Variants in FARS2 observed in about 807,000 individuals in gnomAD.
The protein encoded by FARS2 is phenylalanyl-tRNA synthetase 2, mitochondrial.
A neutral mutation model predicts 46.4 loss-of-function variants in FARS2; 40 were observed. That is an observed-to-expected ratio of 0.86 (90% confidence interval 0.67 to 1.12). The LOEUF is 1.12. FARS2 is among the 50% of genes most tolerant of loss of function. The pLI is 0.00. For synonymous variants in FARS2, 234 were observed against 214.9 expected (o/e 1.09, Z -0.78); for missense variants, 513 against 567.9 (o/e 0.90, Z 0.98).
chr6:5,436,366 C>G (rs929513510), intron 4 of FARS2, among the ~76,000 whole-genome samples: 1 of 134,278 alleles, frequency 7.4e-6, no homozygotes, highest in African/African-American at 2.6e-5. Context: ...ACATGGTTCA[C>G]TGTTGTTGAT....
intron 1 of FARS2, among the ~76,000 whole-genome samples, chr6:5,270,470 G>C (rs1411337): frequency 6.6e-6 from 1 of 152,090 alleles, no homozygotes; most frequent in Admixed American, 6.5e-5. Context: ...GTTCGCTAGA[G>C]CTGTCAAGCT....
chr6:5,352,296 C>A (rs1757626974), intron 1 of FARS2, among the ~76,000 whole-genome samples: 1 of 150,782 alleles, frequency 6.6e-6, no homozygotes, highest in Admixed American at 6.6e-5. Context: ...CTTTGAAGTT[C>A]ACTTTGATTT....
intron 4 of FARS2, among the ~76,000 whole-genome samples, chr6:5,501,630 G>A (rs531130261): frequency 2.6e-4 from 40 of 152,172 alleles, no homozygotes; most frequent in African/African-American, 8.7e-4. Flanking sequence ...GAGTAGCTGG[G>A]ACTACAGGCG....
intron 6 of FARS2, among the ~76,000 whole-genome samples, chr6:5,615,917 C>T (rs1031580311): frequency 9.5e-5 from 14 of 147,958 alleles, no homozygotes; most frequent in African/African-American, 3.5e-4. Flanking sequence ...CCCAAATCTA[C>T]ACTTGTTAGA....
At chr6:5,757,757 G>A (rs532554470) in intron 6 of FARS2, among the ~76,000 whole-genome samples, 1 of 152,350 alleles carries the variant, frequency 6.6e-6, no homozygotes, top group South Asian at 2.1e-4. Flanking sequence ...CTGCCTCTCA[G>A]GATGGCTGTT....
intron 6 of FARS2, among the ~76,000 whole-genome samples, chr6:5,723,182 C>T (rs1429691067): frequency 6.6e-6 from 1 of 152,062 alleles, no homozygotes; most frequent in Non-Finnish European, 1.5e-5. Flanking sequence ...GGGCCACTCG[C>T]GAGTGTGTCG....
At chr6:5,426,504 G>C (rs1762860579) in intron 3 of FARS2, among the ~76,000 whole-genome samples, 1 of 152,144 alleles carries the variant, frequency 6.6e-6, no homozygotes, top group South Asian at 2.1e-4. Context: ...CAGTAATTTT[G>C]AGATCATAGA....
At chr6:5,480,457 G>A (rs570376260) in intron 4 of FARS2, among the ~76,000 whole-genome samples, 9 of 152,330 alleles carry the variant, frequency 5.9e-5, no homozygotes, top group African/African-American at 2.2e-4. Context: ...ATTGTATCCG[G>A]TGTTTCTTTT....
At chr6:5,252,318 A>C in the FARS2 span, among the ~76,000 whole-genome samples, 1 of 152,154 alleles carries the variant, frequency 6.6e-6, no homozygotes, top group African/African-American at 2.4e-5. Context: ...TCTGCCCTTG[A>C]CCAACTGTGA....
chr6:5,767,354 C>T (rs1762806158), intron 6 of FARS2, among the ~76,000 whole-genome samples: 1 of 152,180 alleles, frequency 6.6e-6, no homozygotes, highest in Non-Finnish European at 1.5e-5. Flanking sequence ...CCGCGCCCGG[C>T]CAATCCATCC....
At chr6:5,362,918 TC>T (rs139321883) in intron 1 of FARS2, among the ~76,000 whole-genome samples, 1 of 127,692 alleles carries the variant, frequency 7.8e-6, no homozygotes, top group African/African-American at 2.8e-5. Flanking sequence ...TGCCCATTTT[TC>T]TTTCTTTCTT....
intron 2 of FARS2, among the ~76,000 whole-genome samples, chr6:5,378,613 T>C (rs1759543365): frequency 6.6e-6 from 1 of 152,142 alleles, no homozygotes; most frequent in Non-Finnish European, 1.5e-5. Flanking sequence ...AGGGTTTTAT[T>C]CTCCACCGTG....
chr6:5,347,026 G>C lies in FARS2; in HGVS notation c.-21-21524G>C, dbSNP rs538125647. Reference sequence around the variant, plus strand: ...CCTTCCAGGTTCAAGTGATTCTCCTGCCTCAGCCTCCCGAGTAGCTGGGAT... The same window carrying C: ...CCTTCCAGGTTCAAGTGATTCTCCTCCCTCAGCCTCCCGAGTAGCTGGGAT... On this transcript the variant is annotated intron_variant, in intron 1 of 6. Coordinates refer to ENST00000274680, the MANE Select transcript of FARS2 (RefSeq NM_006567.5). 5.3e-5 allele frequency among the ~76,000 whole-genome samples: 8 copies of C among 151,706 alleles called. No individual in the cohort carries two copies. The East Asian group carries it at 1.6e-3, about 29-fold the overall frequency.
intron 3 of FARS2, among the ~76,000 whole-genome samples, chr6:5,407,543 A>G (rs930323920): frequency 2.6e-5 from 4 of 152,148 alleles, no homozygotes; most frequent in African/African-American, 9.7e-5. Flanking sequence ...ATGTTTTTCT[A>G]GGAAGTGGGA....
chr6:5,547,309 G>A (rs1036902533), intron 5 of FARS2, among the ~76,000 whole-genome samples: 1 of 151,134 alleles, frequency 6.6e-6, no homozygotes, highest in Admixed American at 6.6e-5. Flanking sequence ...ATTATCTAGT[G>A]TTCTTTTGTT....
chr6:5,358,056 T>A (rs1040964297), intron 1 of FARS2, among the ~76,000 whole-genome samples: 6 of 152,172 alleles, frequency 3.9e-5, no homozygotes, highest in Non-Finnish European at 7.3e-5. Flanking sequence ...ATTTAGAGAA[T>A]CTTATAAATA....
chr6:5,518,622 A>G (rs1049591851), intron 4 of FARS2, among the ~76,000 whole-genome samples: 20 of 152,246 alleles, frequency 1.3e-4, no homozygotes, highest in Admixed American at 1.2e-3. Flanking sequence ...GAGTGATCAC[A>G]TATATTTAAA....
intron 1 of FARS2, among the ~76,000 whole-genome samples, chr6:5,268,552 C>T (rs965447404): frequency 5.3e-5 from 8 of 152,200 alleles, no homozygotes; most frequent in East Asian, 1.9e-4. Context: ...TGTTCTGTTC[C>T]GTTGATCTAT....
At chr6:5,276,172 G>T (rs1766320126) in intron 1 of FARS2, among the ~76,000 whole-genome samples, 1 of 152,152 alleles carries the variant, frequency 6.6e-6, no homozygotes, top group South Asian at 2.1e-4. Context: ...TTTAGTTTCA[G>T]CATGCTGTAA....
Sources: gnomAD v4.1 joint callset for allele counts (sites outside exome capture counted in the v4.1 genomes callset) on GRCh38, gnomAD v4.1.1 for gene constraint, MANE v1.5 for transcripts, NCBI Gene and HGNC (gene_info 2026-07-23, HGNC 2026-07-21) for gene names.